Variants in XRCC5 observed in about 807,000 individuals in gnomAD.
XRCC5 encodes the protein X-ray repair cross complementing 5.
XRCC5 carries 12 observed loss-of-function variants against 95.7 expected under a neutral mutation model. The ratio of observed to expected loss-of-function variants is 0.13; its 90% CI spans 0.08 to 0.20. The LOEUF (loss-of-function observed/expected upper bound fraction) is 0.20, where lower values mean the gene tolerates loss of function less well. Ranked by LOEUF, XRCC5 falls within the 10% of genes least tolerant of loss-of-function variation. The pLI, the probability that XRCC5 is intolerant of heterozygous loss-of-function variation, is 1.00. For synonymous variants in XRCC5, 281 were observed against 290.3 expected (o/e 0.97, Z 0.33); for missense variants, 595 against 873.9 (o/e 0.68, Z 4.02).
chr2:216,194,733 G>A (rs1689682797), intron 18 of XRCC5, among the ~76,000 whole-genome samples, 186 bp from the exon 19 acceptor site: 1 of 152,182 alleles, frequency 6.6e-6, no homozygotes, highest in African/African-American at 2.4e-5. Context: ...CACTTTGGGA[G>A]GCCGAGACGG....
chr2:216,138,237 A>T (rs1697120184), intron 12 of XRCC5, 58 bp downstream of exon 12: 1 of 1,488,184 alleles, frequency 6.7e-7, no homozygotes, highest in Middle Eastern at 1.7e-4. Context: ...TTGGGAAATC[A>T]CCTGTCTGCT....
chr2:216,116,226 G>C (rs947351550), intron 2 of XRCC5, among the ~76,000 whole-genome samples: 1 of 151,792 alleles, frequency 6.6e-6, no homozygotes, highest in Non-Finnish European at 1.5e-5. Context: ...AGGGTATACT[G>C]TATATGCCTG....
intron 16 of XRCC5, among the ~76,000 whole-genome samples, chr2:216,165,480 C>A (rs1170353799): frequency 6.6e-5 from 10 of 152,140 alleles, no homozygotes; most frequent in Non-Finnish European, 7.4e-5. Flanking sequence ...CCGTTTTATC[C>A]CTTCTGCCGT....
At chr2:216,181,761 A>G (rs1689393644) in intron 16 of XRCC5, among the ~76,000 whole-genome samples, 1 of 152,166 alleles carries the variant, frequency 6.6e-6, no homozygotes, top group African/African-American at 2.4e-5. Flanking sequence ...AGTAATAAGA[A>G]TTTGAATTTT....
intron 16 of XRCC5, among the ~76,000 whole-genome samples, chr2:216,170,318 TGTGCTGA>T (rs1223873744): frequency 1.3e-5 from 2 of 152,160 alleles, no homozygotes; most frequent in Non-Finnish European, 2.9e-5. Flanking sequence ...TTCCCTTAAA[TGTGCTGA>T]GTAATTTTTC....
At chr2:216,199,895 A>C (rs1156846805) in intron 19 of XRCC5, among the ~76,000 whole-genome samples, 1 of 151,810 alleles carries the variant, frequency 6.6e-6, no homozygotes, top group South Asian at 2.1e-4. Flanking sequence ...TCTGTGAAAA[A>C]AAAATCATTA....
intron 14 of XRCC5, among the ~76,000 whole-genome samples, chr2:216,151,288 C>T (rs1277608891): frequency 6.6e-6 from 1 of 152,312 alleles, no homozygotes; most frequent in African/African-American, 2.4e-5. Flanking sequence ...TGTTGCTGTA[C>T]ACCCTTGAAA....
intron 3 of XRCC5, 145 bp from the exon 4 acceptor site, chr2:216,117,601 T>G (rs1696722826): frequency 2.1e-5 from 14 of 680,796 alleles, no homozygotes. Flanking sequence ...TTAGTGAACT[T>G]TGGAAGAAGG....
intron 16 of XRCC5, among the ~76,000 whole-genome samples, chr2:216,189,804 A>G (rs1265272835): frequency 6.6e-6 from 1 of 152,184 alleles, no homozygotes; most frequent in African/African-American, 2.4e-5. Context: ...AATTATCCTG[A>G]GTAGAATTAG....
chr2:216,152,487 G>T (rs142336491), intron 14 of XRCC5, among the ~76,000 whole-genome samples: 4 of 151,886 alleles, frequency 2.6e-5, no homozygotes, highest in Non-Finnish European at 5.9e-5. Context: ...AAGCGTAACC[G>T]TATCAGGTGA....
At chr2:216,163,327 T>C (rs112314428) in intron 16 of XRCC5, among the ~76,000 whole-genome samples, 37 of 152,206 alleles carry the variant, frequency 2.4e-4, no homozygotes, top group African/African-American at 8.7e-4. Flanking sequence ...TTTTTCTTTT[T>C]TTTGGGGGGA....
intron 12 of XRCC5, among the ~76,000 whole-genome samples, chr2:216,140,616 G>A (rs1050159078): frequency 2.6e-5 from 4 of 152,152 alleles, no homozygotes; most frequent in African/African-American, 9.7e-5. Context: ...GTACGCAGGT[G>A]TGAGTAGTGT....
At chr2:216,121,052 C>G (rs575542686) in intron 5 of XRCC5, among the ~76,000 whole-genome samples, 8 of 152,254 alleles carry the variant, frequency 5.3e-5, no homozygotes, top group Admixed American at 5.2e-4. Flanking sequence ...TTAGTTTCTT[C>G]TACTGACTAC....
intron 6 of XRCC5, among the ~76,000 whole-genome samples, chr2:216,123,635 G>A (rs1010305167): frequency 6.6e-6 from 1 of 152,030 alleles, no homozygotes; most frequent in Non-Finnish European, 1.5e-5. Flanking sequence ...GCGAAACCCC[G>A]TCTCTACTAA....
At chr2:216,130,098 C>T (rs994514800) in intron 8 of XRCC5, among the ~76,000 whole-genome samples, 3 of 152,082 alleles carry the variant, frequency 2.0e-5, no homozygotes, top group African/African-American at 7.2e-5. Context: ...GGTAAAGATG[C>T]ATGTGCTTTT....
intron 16 of XRCC5, among the ~76,000 whole-genome samples, chr2:216,185,316 C>T (rs968785829): frequency 2.0e-5 from 3 of 152,196 alleles, no homozygotes; most frequent in Non-Finnish European, 2.9e-5. Context: ...ACACACACCG[C>T]CTCTACCCAC....
chr2:216,162,502 A>T (rs1428350895), intron 16 of XRCC5, among the ~76,000 whole-genome samples: 1 of 151,622 alleles, frequency 6.6e-6, no homozygotes, highest in African/African-American at 2.4e-5. Context: ...CCCGAGTTGA[A>T]GCGATTCTCC....
chr2:216,132,974 A>G (rs1270478328), intron 10 of XRCC5, among the ~76,000 whole-genome samples: 1 of 152,252 alleles, frequency 6.6e-6, no homozygotes, highest in African/African-American at 2.4e-5. Context: ...TGTTTAAGGC[A>G]GCTCAAGCAG....
At chr2:216,117,847 T>C (rs1696729287) in intron 4 of XRCC5, 53 bp downstream of exon 4, 1 of 1,538,838 alleles carries the variant, frequency 6.5e-7, no homozygotes, top group East Asian at 2.3e-5. Flanking sequence ...AAAAATTGTA[T>C]GGGTTAATGT....
Sources: allele counts gnomAD v4.1 joint callset (sites outside exome capture counted in the v4.1 genomes callset), GRCh38; gene constraint gnomAD v4.1.1; transcripts MANE v1.5; gene names NCBI Gene and HGNC (gene_info 2026-07-23, HGNC 2026-07-21).